NXPE2: variants seen among roughly 807,000 people sequenced by gnomAD.
NXPE2 encodes the protein neurexophilin and PC-esterase domain family member 2, also known as NXPE family member 2.
A neutral mutation model predicts 34.4 loss-of-function variants in NXPE2; 34 were observed. The observed-to-expected ratio is 0.99, with a 90% CI of 0.75 to 1.31. NXPE2 has a LOEUF of 1.31. Among genes scored for constraint, NXPE2 ranks in the 40% most tolerant of loss-of-function variants. The pLI, the probability that NXPE2 is intolerant of heterozygous loss-of-function variation, is 0.00. For synonymous variants in NXPE2, 235 were observed against 231.3 expected (o/e 1.02, Z -0.15); for missense variants, 649 against 672.5 (o/e 0.97, Z 0.39).
At chr11:114,674,818 C>T (rs1950839837), upstream of NXPE2, among the ~76,000 whole-genome samples, 2 of 151,602 alleles carry the variant, frequency 1.3e-5, no homozygotes, top group South Asian at 4.2e-4. Flanking sequence ...CAGCATTGTC[C>T]CGATATCAAA....
At chr11:114,633,464 T>C in the NXPE2 span, among the ~76,000 whole-genome samples, 1 of 148,560 alleles carries the variant, frequency 6.7e-6, no homozygotes, top group Admixed American at 6.9e-5. Context: ...TTCTTTTTTT[T>C]ATTTTAGTAT....
At chr11:114,750,697 C>T in the NXPE2 span, among the ~76,000 whole-genome samples, 16 of 152,260 alleles carry the variant, frequency 1.1e-4, no homozygotes, top group African/African-American at 3.6e-4. Context: ...GATCTACTTC[C>T]CAAGTTACAT....
At chr11:114,527,848 T>G in the NXPE2 span, 5 of 1,607,200 alleles carry the variant, frequency 3.1e-6, no homozygotes, top group Non-Finnish European at 4.2e-6. Flanking sequence ...ACTGTTACAA[T>G]TAGTGACATC....
the NXPE2 span, among the ~76,000 whole-genome samples, chr11:114,624,720 A>G: frequency 2.0e-5 from 3 of 152,088 alleles, no homozygotes; most frequent in South Asian, 6.2e-4. Flanking sequence ...CTCCTGGTGG[A>G]TAATAAGTAT....
At chr11:114,632,484 T>G in the NXPE2 span, among the ~76,000 whole-genome samples, 1 of 126,866 alleles carries the variant, frequency 7.9e-6, no homozygotes, top group Non-Finnish European at 1.6e-5. Flanking sequence ...TATATAATAC[T>G]CCATAATATA....
At chr11:114,604,676 G>T in the NXPE2 span, among the ~76,000 whole-genome samples, 4 of 152,028 alleles carry the variant, frequency 2.6e-5, no homozygotes, top group Admixed American at 2.6e-4. Context: ...TGCCTCGTGG[G>T]TAACCACAGT....
At chr11:114,467,588 C>T in the NXPE2 span, among the ~76,000 whole-genome samples, 1 of 152,082 alleles carries the variant, frequency 6.6e-6, no homozygotes, top group South Asian at 2.1e-4. Context: ...CTTACTGTCA[C>T]CAGGAGGAGT....
chr11:114,487,015 T>G, the NXPE2 span, among the ~76,000 whole-genome samples: 1 of 152,156 alleles, frequency 6.6e-6, no homozygotes, highest in African/African-American at 2.4e-5. Flanking sequence ...TTAGGATTTT[T>G]TTTTCTATTT....
the NXPE2 span, among the ~76,000 whole-genome samples, chr11:114,780,114 A>G: frequency 6.6e-6 from 1 of 152,188 alleles, no homozygotes; most frequent in Admixed American, 6.5e-5. Flanking sequence ...AGATGCTTCA[A>G]TTGGATTATT....
At chr11:114,571,628 T>C in the NXPE2 span, among the ~76,000 whole-genome samples, 1 of 152,226 alleles carries the variant, frequency 6.6e-6, no homozygotes, top group South Asian at 2.1e-4. Context: ...TTGAAAATTA[T>C]TTGAACAGTC....
the NXPE2 span, among the ~76,000 whole-genome samples, chr11:114,802,791 A>G: frequency 6.6e-6 from 1 of 152,108 alleles, no homozygotes; most frequent in Non-Finnish European, 1.5e-5. Context: ...CTCTTGTTTG[A>G]TATCTTTAAT....
chr11:114,507,259 A>AG, the NXPE2 span, among the ~76,000 whole-genome samples: 1 of 151,312 alleles, frequency 6.6e-6, no homozygotes, highest in African/African-American at 2.4e-5. Context: ...AAAAAAAAAA[A>AG]AAAAAAGCAG....
chr11:114,552,381 A>C, the NXPE2 span, among the ~76,000 whole-genome samples: 2 of 152,170 alleles, frequency 1.3e-5, no homozygotes, highest in Non-Finnish European at 2.9e-5. Context: ...TTGATTTCCA[A>C]AAGACTGTCA....
At chr11:114,783,835 G>C in the NXPE2 span, among the ~76,000 whole-genome samples, 1 of 152,166 alleles carries the variant, frequency 6.6e-6, no homozygotes, top group Non-Finnish European at 1.5e-5. Flanking sequence ...GCTCAACCAA[G>C]TGATTCTTAT....
chr11:114,525,105 T>A, the NXPE2 span, among the ~76,000 whole-genome samples: 1 of 151,860 alleles, frequency 6.6e-6, no homozygotes, highest in Non-Finnish European at 1.5e-5. Flanking sequence ...GATCTGGGGG[T>A]AATGGTGTGG....
chr11:114,710,470 C>T (rs538040114), downstream of NXPE2, among the ~76,000 whole-genome samples: 12 of 152,112 alleles, frequency 7.9e-5, no homozygotes, highest in South Asian at 2.1e-4. Flanking sequence ...AACAATTGTA[C>T]GCTAACAAAT....
chr11:114,491,761 A>G, the NXPE2 span, among the ~76,000 whole-genome samples: 7 of 152,214 alleles, frequency 4.6e-5, no homozygotes, highest in Non-Finnish European at 8.8e-5. Context: ...AACCAACCCA[A>G]ATGTCCAACA....
At chr11:114,623,062 A>T in the NXPE2 span, among the ~76,000 whole-genome samples, 2 of 151,198 alleles carry the variant, frequency 1.3e-5, no homozygotes, top group South Asian at 4.2e-4. Context: ...TGTTGCCTTG[A>T]GGGTAACCAC....
At chr11:114,571,522 A>T in the NXPE2 span, 3 of 1,439,742 alleles carry the variant, frequency 2.1e-6, no homozygotes, top group South Asian at 4.1e-5. Flanking sequence ...ATAGTTACCA[A>T]GATTGAGTAG....
Sources: allele counts gnomAD v4.1 joint callset (sites outside exome capture counted in the v4.1 genomes callset), GRCh38; gene constraint gnomAD v4.1.1; transcripts MANE v1.5; gene names NCBI Gene and HGNC (gene_info 2026-07-23, HGNC 2026-07-21).